The following COL6A3 variants were observed in gnomAD, a reference collection of about 807,000 sequenced individuals.
The protein encoded by COL6A3 is collagen alpha-3(VI) chain.
A neutral mutation model predicts 274.1 loss-of-function variants in COL6A3; 137 were observed. That is an observed-to-expected ratio of 0.50 (90% confidence interval 0.44 to 0.58). The LOEUF (loss-of-function observed/expected upper bound fraction) is 0.58. COL6A3 is among the 20% of genes least tolerant of loss of function. COL6A3 has a pLI of 0.00. For synonymous variants in COL6A3, 1,650 were observed against 1,650.6 expected (o/e 1.00, Z 0.01); for missense variants, 3,950 against 4,124.9 (o/e 0.96, Z 1.16).
Position 237,324,528 on chromosome 2 carries a change from C to T in COL6A3, c.*246G>A. The T allele has an allele frequency of 2.0e-6, 1 of 504,456 alleles. No homozygotes were observed. Among genetic ancestry groups the T allele is most frequent in the Non-Finnish European group, 3.6e-6 (1 of 278,556 alleles). The allele number at this position is 504,456 out of a possible 1,614,324, so 31.2% of individuals were successfully genotyped here. On this transcript the variant is annotated 3_prime_UTR_variant, in exon 44 of 44. Transcript: ENST00000295550. ...ATGTTCACATAAACACCAGCAGTGG[C>T]TAACTGTTACACAACATTCAAAGTA...
intron 8 of COL6A3, among the ~76,000 whole-genome samples, chr2:237,373,004 C>T (rs1016850971): frequency 1.3e-5 from 2 of 152,156 alleles, no homozygotes; most frequent in Non-Finnish European, 2.9e-5. Flanking sequence ...CACGGGATGA[C>T]GTGGCCGGGG....
rs2077294728 is a variant in COL6A3, at chr2:237,355,301, T to TA, written c.6592-368_6592-367insT. ...AAAGGGAATGTCAACCTGTCTATTT[T>TA]TCTTCCACCTTCCCAACTGTACTGA... On this transcript the variant is annotated intron_variant, in intron 23 of 43. Coordinates refer to ENST00000295550, the MANE Select transcript of COL6A3 (RefSeq NM_004369.4). 1.2e-5 allele frequency: 3 copies of TA among 241,682 alleles called. No homozygotes were observed. The East Asian group carries it at 2.7e-4, about 22-fold the overall frequency. 15.0% of individuals were successfully genotyped at this position (241,682 alleles called of 1,614,324 possible).
At chr2:237,354,873 T>C in intron 24 of COL6A3, 26 bp downstream of exon 24, 1 of 1,610,766 alleles carries the variant, frequency 6.2e-7, no homozygotes, top group Non-Finnish European at 8.5e-7. Flanking sequence ...GAAGAGAGTC[T>C]CCAGGGGGCA....
chr2:237,335,889 C>T (rs1424107048), intron 40 of COL6A3, among the ~76,000 whole-genome samples: 2 of 152,168 alleles, frequency 1.3e-5, no homozygotes, highest in Admixed American at 1.3e-4. Flanking sequence ...GTGAACTGTG[C>T]CCCCACTGAC....
chr2:237,371,972 C>A lies in COL6A3; in HGVS notation c.4045G>T (p.Asp1349Tyr), dbSNP rs757052501. ...ACCGCCGGGTCGTCCACCTCATCGT[C>A]AGACTTTCCAGACGAGATGAGGACC... ...FLVLISSGKS[D>Y]DEVDDPAVEL... The change falls in exon 9 of 44, where the codon GAC becomes TAC. Residue 1349 changes from aspartate to tyrosine, a missense_variant. By Grantham distance (160) the Asp-to-Tyr change is radical. Coordinates refer to ENST00000295550, the MANE Select transcript of COL6A3 (RefSeq NM_004369.4). The surrounding 1 kb of genome is among the most constrained non-coding windows in gnomAD (Gnocchi z 4.3). The A allele has an allele frequency of 1.2e-6, 2 of 1,614,148 alleles. No individual in the cohort carries two copies. Among genetic ancestry groups the A allele is most frequent in the South Asian group, 2.2e-5 (2 of 91,076 alleles).
chr2:237,383,825 C>T (rs550409840), intron 4 of COL6A3, among the ~76,000 whole-genome samples: 1 of 152,178 alleles, frequency 6.6e-6, no homozygotes, highest in East Asian at 1.9e-4. Context: ...ACTAAAAGTT[C>T]TCCCGATGAG....
Position 237,352,513 on chromosome 2 carries a change from CA to C in COL6A3, c.6753+8del. On this transcript the variant is annotated splice_region_variant and intron_variant, in intron 26 of 43. Transcript: ENST00000295550. ...GCTAGAGAGGGGGCTGGTATTAGGA[CA>C]GGCTTACCCGAGGTCCAGAAATGCC... is the stretch of plus-strand genomic sequence containing the variant. 6.2e-7 allele frequency: 1 copy of C among 1,610,076 alleles called. No individual in the cohort carries two copies. The highest frequency in any genetic ancestry group is 1.7e-5 in the Admixed American group (1 of 59,704).
At chr2:237,338,859 A>T in intron 39 of COL6A3, 156 bp downstream of exon 39, 1 of 636,760 alleles carries the variant, frequency 1.6e-6, no homozygotes, top group Non-Finnish European at 2.8e-6. Flanking sequence ...CTAACTGATA[A>T]AACAGATTAT....
At chr2:237,334,040 C>A (rs997831622) in intron 41 of COL6A3, among the ~76,000 whole-genome samples, 3 of 152,096 alleles carry the variant, frequency 2.0e-5, no homozygotes, top group African/African-American at 7.2e-5. Flanking sequence ...AGAGAGGGGA[C>A]CATGAATAAT....
At chr2:237,408,061 G>A (rs2078764500) in intron 1 of COL6A3, among the ~76,000 whole-genome samples, 1 of 152,106 alleles carries the variant, frequency 6.6e-6, no homozygotes, top group Non-Finnish European at 1.5e-5. Context: ...GTGGCTGAAA[G>A]GTGCTCTCTT....
chr2:237,405,687 A>G (rs1005222674), intron 1 of COL6A3, among the ~76,000 whole-genome samples: 1 of 152,164 alleles, frequency 6.6e-6, no homozygotes, highest in Non-Finnish European at 1.5e-5. Flanking sequence ...AAAACAACAT[A>G]GAACCAGAAC....
At chr2:237,396,632 C>A in intron 2 of COL6A3, 95 bp downstream of exon 2, 1 of 1,257,516 alleles carries the variant, frequency 8.0e-7, no homozygotes, top group Non-Finnish European at 1.2e-6. Flanking sequence ...ACCTTAAGAA[C>A]ATATCTAAGC....
chr2:237,328,820 A>C (rs1292305988), intron 42 of COL6A3: 2 of 152,218 alleles, frequency 1.3e-5, no homozygotes, highest in African/African-American at 4.8e-5. Context: ...GAAGGAAGAC[A>C]GACTGAGAGG....
chr2:237,351,092 C>T (rs1414588211), intron 27 of COL6A3, 38 bp downstream of exon 27: 2 of 1,605,076 alleles, frequency 1.2e-6, no homozygotes, highest in African/African-American at 1.3e-5. Flanking sequence ...CTGGCTGGTC[C>T]CTGTCCTCAG....
At chr2:237,373,793 A>G (rs977501476) in intron 8 of COL6A3, among the ~76,000 whole-genome samples, 1 of 152,104 alleles carries the variant, frequency 6.6e-6, no homozygotes, top group Admixed American at 6.5e-5. Context: ...TCTCAGCACC[A>G]GGGCTCCCAC....
chr2:237,389,111 G>A (rs1202702553), intron 3 of COL6A3, among the ~76,000 whole-genome samples: 3 of 152,142 alleles, frequency 2.0e-5, no homozygotes, highest in African/African-American at 4.8e-5. Context: ...TATACAAAGG[G>A]CAGAAAAACA....
rs751617505 is a variant in COL6A3, at chr2:237,348,359, G to T, written c.6956C>A (p.Pro2319Gln). 1.6e-5 allele frequency: 25 copies of T among 1,608,286 alleles called. No individual in the cohort carries two copies. Among genetic ancestry groups the T allele is most frequent in the Non-Finnish European group, 2.0e-5 (24 of 1,174,896 alleles). The change falls in exon 30 of 44, where the codon CCA becomes CAA. Residue 2319 changes from proline to glutamine, a missense_variant. By Grantham distance (76) the Pro-to-Gln change is moderately conservative. Coordinates refer to ENST00000295550, the MANE Select transcript of COL6A3 (RefSeq NM_004369.4). ...CCAGGGATTATTTACCTTTGGTCCT[G>T]GGTATCCAGGGAATCCTCTTTCTCC... ...KKGERGFPGY[P>Q]GPKGNPGEPG... is the part of the protein sequence containing the mutation.
At chr2:237,402,677 G>A (rs937181855) in intron 1 of COL6A3, among the ~76,000 whole-genome samples, 2 of 152,178 alleles carry the variant, frequency 1.3e-5, no homozygotes, top group African/African-American at 4.8e-5. Context: ...AAAATGTTAG[G>A]GTTTGGCAAA....
intron 12 of COL6A3, 23 bp downstream of exon 12, chr2:237,365,675 C>A (rs763117372): frequency 4.4e-5 from 71 of 1,612,728 alleles, no homozygotes; most frequent in Non-Finnish European, 3.7e-5. Context: ...CAGGGAGCAC[C>A]TGAACCAACT....
Sources: gnomAD v4.1 joint callset for allele counts (sites outside exome capture counted in the v4.1 genomes callset) on GRCh38, gnomAD v4.1.1 for gene constraint, Gnocchi (gnomAD v3.1) non-coding constraint, MANE v1.5 for transcripts, NCBI Gene and HGNC (gene_info 2026-07-23, HGNC 2026-07-21) for gene names.